The following CADM2 variants were observed in gnomAD, a reference collection of about 807,000 sequenced individuals.
CADM2 encodes cell adhesion molecule 2.
Under a neutral mutation model 49.8 loss-of-function variants are expected in CADM2, and 12 were observed. The observed-to-expected ratio is 0.24, with a 90% confidence interval of 0.15 to 0.39. The LOEUF is 0.39. CADM2 is among the 10% of genes least tolerant of loss of function. CADM2 has a pLI of 1.00. For synonymous variants in CADM2, 214 were observed against 175.4 expected, an observed-to-expected ratio of 1.22 and a Z score of -1.74; for missense variants, 378 against 492.3, an observed-to-expected ratio of 0.77 and a Z score of 2.20.
chr3:85,403,390 T>C (rs1414267086), intron 1 of CADM2, among the ~76,000 whole-genome samples: 3 of 152,184 alleles, frequency 2.0e-5, no homozygotes, highest in African/African-American at 7.2e-5. Flanking sequence ...CTTGCACTTA[T>C]GTTAGTACCT....
intron 1 of CADM2, among the ~76,000 whole-genome samples, chr3:85,257,572 A>C (rs1651425207): frequency 1.3e-5 from 2 of 152,114 alleles, no homozygotes; most frequent in Admixed American, 1.3e-4. Flanking sequence ...TATTATTTTC[A>C]GTATCTAAAA....
chr3:85,515,713 G>A lies in CADM2; in HGVS notation c.62-210809G>A, dbSNP rs62250758. Among the ~76,000 whole-genome samples, 7 of 148,858 alleles carry A rather than the reference G, an allele frequency of 4.7e-5. 1 individual carries two copies. Among genetic ancestry groups the A allele is most frequent in the Admixed American group, 2.7e-4 (4 of 14,844 alleles). On this transcript the variant is annotated intron_variant, in intron 1 of 9. Coordinates refer to ENST00000383699, the MANE Select transcript of CADM2 (RefSeq NM_001167675.2). ...TCTCAGACCTCGAACTCCTGACCTC[G>A]TGGTCCGCCCACCTCAGCCTCCCAA...
intron 8 of CADM2, among the ~76,000 whole-genome samples, chr3:85,962,563 G>A (rs1181607253): frequency 1.3e-5 from 2 of 151,870 alleles, no homozygotes; most frequent in Admixed American, 6.6e-5. Flanking sequence ...ACTTTCAAAT[G>A]CCACAATGGG....
At chr3:86,033,257 T>C (rs759137294) in intron 8 of CADM2, among the ~76,000 whole-genome samples, 9 of 152,012 alleles carry the variant, frequency 5.9e-5, no homozygotes, top group Non-Finnish European at 1.2e-4. Flanking sequence ...TATCTTACAA[T>C]ACTTGACAAA....
chr3:85,753,722 A>G (rs1331811801), intron 2 of CADM2, among the ~76,000 whole-genome samples: 2 of 152,174 alleles, frequency 1.3e-5, no homozygotes, highest in African/African-American at 4.8e-5. Flanking sequence ...GTAAGGGTAG[A>G]GAAAATTATG....
chr3:85,255,609 A>T (rs2042867635), intron 1 of CADM2, among the ~76,000 whole-genome samples: 1 of 151,708 alleles, frequency 6.6e-6, no homozygotes, highest in Non-Finnish European at 1.5e-5. Flanking sequence ...TGAAAAAAAT[A>T]TGTGTAAAAC....
chr3:85,226,850 G>C (rs535825103), intron 1 of CADM2, among the ~76,000 whole-genome samples: 1 of 152,112 alleles, frequency 6.6e-6, no homozygotes, highest in Non-Finnish European at 1.5e-5. Flanking sequence ...TGGTTTCAAA[G>C]AACATCTTTA....
At chr3:85,690,323 T>A (rs1294329362) in intron 1 of CADM2, among the ~76,000 whole-genome samples, 1 of 145,576 alleles carries the variant, frequency 6.9e-6, no homozygotes, top group Non-Finnish European at 1.6e-5. Context: ...TAATATTTGG[T>A]AAAAGTTTAG....
chr3:85,597,450 T>A (rs537083130), intron 1 of CADM2, among the ~76,000 whole-genome samples: 2 of 152,138 alleles, frequency 1.3e-5, no homozygotes, highest in Non-Finnish European at 2.9e-5. Flanking sequence ...ATCACATTTT[T>A]ATTCTATATC....
chr3:85,496,928 C>A (rs1244357897), intron 1 of CADM2, among the ~76,000 whole-genome samples: 5 of 152,200 alleles, frequency 3.3e-5, no homozygotes, highest in Non-Finnish European at 7.3e-5. Flanking sequence ...ACTGCAACCT[C>A]CAACGCCCGG....
chr3:85,155,201 C>T lies in CADM2; in HGVS notation c.61+195533C>T, dbSNP rs376498450. 1.0e-2 allele frequency among the ~76,000 whole-genome samples: 1,418 copies of T among 142,448 alleles called. 8 individuals carry two copies. The highest frequency in any genetic ancestry group is 0.037 in the African/African-American group (1,232 of 32,934). 93.5% of individuals were successfully genotyped at this position (142,448 alleles called of 152,430 possible). ...TGCTGTATTCAGGAAACCCATCTCACGTGCAGAGACACACATAGGCTCAAA... is the reference window on the plus strand; with the variant it reads ...TGCTGTATTCAGGAAACCCATCTCATGTGCAGAGACACACATAGGCTCAAA... On this transcript the variant is annotated intron_variant, in intron 1 of 9. Coordinates refer to ENST00000383699, the MANE Select transcript of CADM2 (RefSeq NM_001167675.2).
chr3:85,494,816 T>C (rs537897431), intron 1 of CADM2, among the ~76,000 whole-genome samples: 2 of 152,270 alleles, frequency 1.3e-5, no homozygotes, highest in East Asian at 3.9e-4. Flanking sequence ...ATTTATAGTA[T>C]AAATGGTGGC....
At chr3:85,154,905 C>G (rs2040053920) in intron 1 of CADM2, among the ~76,000 whole-genome samples, 1 of 151,298 alleles carries the variant, frequency 6.6e-6, no homozygotes, top group Non-Finnish European at 1.5e-5. Flanking sequence ...ATTTTGTCAC[C>G]ACCCGGCCTG....
chr3:85,596,009 C>T (rs2063229873), intron 1 of CADM2, among the ~76,000 whole-genome samples: 1 of 151,764 alleles, frequency 6.6e-6, no homozygotes, highest in African/African-American at 2.4e-5. Flanking sequence ...TTTTTCTTCA[C>T]CCTAAAGTAA....
chr3:85,448,308 G>C (rs1214363510), intron 1 of CADM2, among the ~76,000 whole-genome samples: 10 of 139,698 alleles, frequency 7.2e-5, no homozygotes, highest in African/African-American at 1.1e-4. Flanking sequence ...ACTCCAGCCT[G>C]GGCGACAGAG....
chr3:85,934,380 G>GA (rs1720949642), intron 6 of CADM2, among the ~76,000 whole-genome samples: 1 of 151,828 alleles, frequency 6.6e-6, no homozygotes. Flanking sequence ...GCTGATAATG[G>GA]AAAAAATTAA....
intron 8 of CADM2, among the ~76,000 whole-genome samples, chr3:85,996,586 G>A (rs1474474615): frequency 1.3e-5 from 2 of 151,962 alleles, no homozygotes; most frequent in South Asian, 2.1e-4. Flanking sequence ...TTTTCTGGAA[G>A]CACCTATAAA....
chr3:85,104,780 C>A (rs957311046), intron 1 of CADM2, among the ~76,000 whole-genome samples: 2 of 152,062 alleles, frequency 1.3e-5, no homozygotes, highest in South Asian at 4.2e-4. Flanking sequence ...TAATGAGGTC[C>A]TTCACATTCC....
intron 1 of CADM2, among the ~76,000 whole-genome samples, chr3:85,689,664 G>A (rs1372924707): frequency 1.3e-5 from 2 of 152,162 alleles, no homozygotes; most frequent in African/African-American, 4.8e-5. Flanking sequence ...GACATGTTCA[G>A]AGCTGTTCTT....
Sources: gnomAD v4.1 joint callset for allele counts (sites outside exome capture counted in the v4.1 genomes callset) on GRCh38, gnomAD v4.1.1 for gene constraint, MANE v1.5 for transcripts, NCBI Gene and HGNC (gene_info 2026-07-23, HGNC 2026-07-21) for gene names.